SNED1: variants seen among roughly 807,000 people sequenced by gnomAD.
SNED1 encodes sushi, nidogen and EGF-like domain-containing protein 1.
Under a neutral mutation model 166.7 loss-of-function variants are expected in SNED1, and 81 were observed. The ratio of observed to expected loss-of-function variants is 0.49; its 90% CI spans 0.41 to 0.58. The LOEUF is 0.58. SNED1 is among the 20% of genes least tolerant of loss of function. SNED1 has a pLI of 0.00. For synonymous variants in SNED1, 762 were observed against 822.0 expected, an observed-to-expected ratio of 0.93 and a Z score of 1.25; for missense variants, 1,604 against 2,000.2, an observed-to-expected ratio of 0.80 and a Z score of 3.78.
rs1167687066 is a variant in SNED1, at chr2:241,068,871, C to A, written c.3195-40C>A. On this transcript the variant is annotated intron_variant, in intron 22 of 31. Coordinates refer to ENST00000310397, the MANE Select transcript of SNED1 (RefSeq NM_001080437.3). This position sits in a 1 kb window ranked among gnomAD's most constrained non-coding sequence, Gnocchi z 5.3. ...TGGCAGCAGAGTCACACACAGGTCC[C>A]AGACATCCCTGTTCTCTCTTTGTCA... is the stretch of plus-strand genomic sequence containing the variant. 1.0e-5 allele frequency: 14 copies of A among 1,397,242 alleles called. No individual in the cohort carries two copies. Among genetic ancestry groups the A allele is most frequent in the Non-Finnish European group, 1.4e-5 (14 of 1,014,764 alleles). The allele number at this position is 1,397,242 out of a possible 1,614,324, so 86.6% of individuals were successfully genotyped here.
chr2:241,001,650 G>C (rs1226662294), intron 1 of SNED1, among the ~76,000 whole-genome samples: 1 of 152,236 alleles, frequency 6.6e-6, no homozygotes, highest in Non-Finnish European at 1.5e-5. Context: ...AGCTTGCCGC[G>C]GTCTGTGGGG....
chr2:241,053,305 A>G lies in SNED1; in HGVS notation c.2236A>G (p.Ser746Gly). 6.3e-7 allele frequency: 1 copy of G among 1,589,968 alleles called. No individual in the cohort carries two copies. Among genetic ancestry groups the G allele is most frequent in the Non-Finnish European group, 8.6e-7 (1 of 1,166,266 alleles). Residue 746 changes from serine to glycine, a missense_variant, in exon 16 of 32, where the codon AGT (serine) becomes GGT (glycine). Physicochemically the swap from Ser to Gly is moderately conservative, Grantham distance 56. Transcript: ENST00000310397. The stretch of plus-strand genomic sequence containing the variant: ...GGTCTGCCAGCCACACGGTGTCTGG[A>G]GTGAGCCTCCCCAGTGCCTTGGTGA... ...IRVCQPHGVW[S>G]EPPQCLEIDE...
chr2:241,030,098 G>T (rs1039443620), intron 1 of SNED1, among the ~76,000 whole-genome samples, 186 bp from the exon 2 acceptor site: 1 of 152,236 alleles, frequency 6.6e-6, no homozygotes, highest in South Asian at 2.1e-4. Flanking sequence ...ATGACAGGAG[G>T]GGGTGGAGCA....
chr2:241,071,338 C>T (rs924317522), intron 24 of SNED1: 8 of 592,112 alleles, frequency 1.4e-5, no homozygotes, highest in East Asian at 8.4e-5. Context: ...GGCCAGTGCA[C>T]GCCTGTGTCA....
intron 31 of SNED1, chr2:241,089,147 A>G: frequency 1.4e-6 from 1 of 696,728 alleles, no homozygotes; most frequent in East Asian, 2.9e-5. Flanking sequence ...GGGATATACC[A>G]TAGAAAGCCA....
intron 1 of SNED1, among the ~76,000 whole-genome samples, chr2:241,023,875 T>C (rs2060845055): frequency 7.7e-6 from 1 of 129,054 alleles, no homozygotes; most frequent in African/African-American, 3.2e-5. Context: ...CTCTCTTTTT[T>C]TCTTTTTTTT....
At chr2:241,082,225 C>A in intron 28 of SNED1, 52 bp from the exon 29 acceptor site, 1 of 1,453,458 alleles carries the variant, frequency 6.9e-7, no homozygotes, top group Non-Finnish European at 9.6e-7. Context: ...TCAAGAGGGG[C>A]AGGAGGAGCC....
intron 6 of SNED1, among the ~76,000 whole-genome samples, chr2:241,039,758 A>G (rs577304882): frequency 1.8e-4 from 27 of 152,236 alleles, no homozygotes; most frequent in Admixed American, 3.3e-4. Flanking sequence ...AATAAGAGCC[A>G]CCTAGGGAGG....
Position 241,053,273 on chromosome 2 carries a change from G to T in SNED1, c.2204G>T (p.Arg735Leu), listed in dbSNP as rs768872093. 3 of 1,602,056 alleles carry T rather than the reference G, an allele frequency of 1.9e-6. No homozygotes were observed. The highest frequency in any genetic ancestry group is 4.5e-5 in the East Asian group (2 of 44,654). ...DRGYSLSAPS[R>L]IRVCQPHGVW... Reference sequence around the variant, plus strand: ...GGCTACAGCCTGAGCGCCCCCAGCCGCATCCGGGTCTGCCAGCCACACGGT... The same window carrying T: ...GGCTACAGCCTGAGCGCCCCCAGCCTCATCCGGGTCTGCCAGCCACACGGT... Residue 735 changes from arginine to leucine, a missense_variant, in exon 16 of 32, where the codon CGC becomes CTC. Around this residue, in one of 2 missense-constraint regions of SNED1, gnomAD observed 1,237 missense variants for 1,620.8 expected, o/e 0.76. Transcript: ENST00000310397.
chr2:241,063,800 C>A, intron 18 of SNED1, 100 bp downstream of exon 18: 2 of 902,720 alleles, frequency 2.2e-6, no homozygotes, highest in Non-Finnish European at 3.3e-6. Context: ...GGCAGGCCAC[C>A]TGGGGAGAGG....
In SNED1 at chr2:241,069,880, T is replaced by C. The variant is rs2062626951; in HGVS notation, c.3308-40T>C. On this transcript the variant is annotated intron_variant, in intron 23 of 31. Coordinates refer to ENST00000310397, the MANE Select transcript of SNED1 (RefSeq NM_001080437.3). This position sits in a 1 kb window ranked among gnomAD's most constrained non-coding sequence, Gnocchi z 4.9. ...ACCGTGTTCTTGCCAGAAGACCCTG[T>C]GGGCACCCCCTCACCTCTCCCTGCT... 1 of 1,594,108 alleles carries C rather than the reference T, an allele frequency of 6.3e-7. No homozygotes were observed. Among genetic ancestry groups the C allele is most frequent in the Non-Finnish European group, 8.5e-7 (1 of 1,169,910 alleles).
At chr2:241,090,868 CAAAAAAAAA>C (rs371271027) in intron 31 of SNED1, among the ~76,000 whole-genome samples, 10 of 100,798 alleles carry the variant, frequency 9.9e-5, no homozygotes, top group African/African-American at 3.8e-4. Context: ...CCCTCTGTCT[CAAAAAAAAA>C]AAAAAAAGAA....
chr2:241,015,366 A>C (rs1186882899), intron 1 of SNED1, among the ~76,000 whole-genome samples: 1 of 152,176 alleles, frequency 6.6e-6, no homozygotes, highest in Non-Finnish European at 1.5e-5. Flanking sequence ...GGTTTTTTTC[A>C]CACTATCGTA....
intron 14 of SNED1, 71 bp from the exon 15 acceptor site, chr2:241,052,284 G>A: frequency 6.9e-7 from 1 of 1,455,208 alleles, no homozygotes; most frequent in Non-Finnish European, 9.5e-7. Context: ...GGTGCAGGAG[G>A]CAGGATGCCC....
intron 8 of SNED1, chr2:241,040,935 A>G (rs2061506476): frequency 2.3e-6 from 1 of 436,330 alleles, no homozygotes; most frequent in African/African-American, 2.1e-5. Flanking sequence ...TGCAGCCTAC[A>G]GTATAAAAAT....
intron 16 of SNED1, among the ~76,000 whole-genome samples, chr2:241,056,598 T>TTTTTTTTTTTTTTA (rs2062047145): frequency 6.7e-6 from 1 of 149,662 alleles, no homozygotes; most frequent in Non-Finnish European, 1.5e-5. Flanking sequence ...TTTTTTTTTT[T>TTTTTTTTTTTTTTA]GAGACGGAGT....
In SNED1 at chr2:241,073,195, A is replaced by C. The variant is rs1197226761; in HGVS notation, c.3818-71A>C. The C allele has an allele frequency of 8.7e-7, 1 of 1,150,294 alleles. No homozygotes were observed. Among genetic ancestry groups the C allele is most frequent in the East Asian group, 2.6e-5 (1 of 38,600 alleles). The allele number at this position is 1,150,294 out of a possible 1,614,324, so 71.3% of individuals were successfully genotyped here. ...GCTCCCTGAGATATAGAAGCACTCA[A>C]AAGGGTGGCCCCAGGACCATCCCGG... On this transcript the variant is annotated intron_variant, in intron 26 of 31. Transcript: ENST00000310397. This position sits in a 1 kb window ranked among gnomAD's most constrained non-coding sequence, Gnocchi z 6.6.
rs188903728 is a variant in SNED1 at position 241,053,074 on chromosome 2, C to T, written c.2084-79C>T. ...GCAGGACATCCCTGGGCCCTGCAGTCGGGTCGGGCAGAGGCAGGGCGGTGG... is the reference window on the plus strand; with the variant it reads ...GCAGGACATCCCTGGGCCCTGCAGTTGGGTCGGGCAGAGGCAGGGCGGTGG... On this transcript the variant is annotated intron_variant, in intron 15 of 31. Coordinates refer to ENST00000310397, the MANE Select transcript of SNED1 (RefSeq NM_001080437.3). 1.0e-4 allele frequency: 142 copies of T among 1,383,510 alleles called. 1 individual carries two copies. The East Asian group carries it at 1.4e-3, about 13-fold the overall frequency. 85.7% of individuals were successfully genotyped at this position (1,383,510 alleles called of 1,614,324 possible). A position where few individuals can be genotyped will look rare whatever the true frequency, so the allele number is the denominator to read the frequency against.
At chr2:241,048,486 G>T in intron 9 of SNED1, 46 bp downstream of exon 9, 2 of 1,558,190 alleles carry the variant, frequency 1.3e-6, no homozygotes, top group Non-Finnish European at 1.7e-6. Context: ...TGGGGCAGGA[G>T]ACCCAGGGAG....
Sources: allele counts gnomAD v4.1 joint callset (sites outside exome capture counted in the v4.1 genomes callset), GRCh38; gene constraint gnomAD v4.1.1; regional missense constraint gnomAD v4.1.1; non-coding constraint Gnocchi (gnomAD v3.1); transcripts MANE v1.5; gene names NCBI Gene and HGNC (gene_info 2026-07-23, HGNC 2026-07-21).